SLC4A8: variants seen among roughly 807,000 people sequenced by gnomAD.
The protein encoded by SLC4A8 is electroneutral sodium bicarbonate exchanger 1.
In SLC4A8, 40 loss-of-function variants were observed where a neutral mutation model predicts 125.0. The ratio of observed to expected loss-of-function variants is 0.32; its 90% CI spans 0.25 to 0.42. SLC4A8 has a LOEUF of 0.42. Ranked by LOEUF, SLC4A8 falls within the 10% of genes least tolerant of loss-of-function variation. The pLI is 1.00. For missense variants in SLC4A8, 863 were observed against 1,355.1 expected (o/e 0.64, Z 5.70); for synonymous variants, 456 against 476.0 (o/e 0.96, Z 0.55).
At chr12:51,453,765 G>A in intron 5 of SLC4A8, 66 bp downstream of exon 5, 3 of 1,491,178 alleles carry the variant, frequency 2.0e-6, no homozygotes, top group Non-Finnish European at 2.8e-6. Context: ...GAAAAAAGGA[G>A]TGTGGCGTGA....
intron 20 of SLC4A8, among the ~76,000 whole-genome samples, chr12:51,494,014 T>C (rs1951390512): frequency 6.6e-6 from 1 of 152,242 alleles, no homozygotes; most frequent in Non-Finnish European, 1.5e-5. Flanking sequence ...TATTCATTAA[T>C]TATTCAACAG....
chr12:51,481,819 G>T (rs146938893), intron 16 of SLC4A8, among the ~76,000 whole-genome samples: 431 of 152,188 alleles, frequency 2.8e-3, no homozygotes, highest in Non-Finnish European at 3.4e-3. Flanking sequence ...AGGCGTGGTG[G>T]TGTGTGATAG....
At chr12:51,462,168 A>G in intron 9 of SLC4A8, 142 bp from the exon 10 acceptor site, 2 of 732,088 alleles carry the variant, frequency 2.7e-6, no homozygotes, top group Admixed American at 4.8e-5. Context: ...GCACTTCTCT[A>G]AGTGCTAAAG....
At chr12:51,410,160 T>C (rs1948567253) in intron 1 of SLC4A8, among the ~76,000 whole-genome samples, 1 of 152,184 alleles carries the variant, frequency 6.6e-6, no homozygotes, top group African/African-American at 2.4e-5. Context: ...GCAAGCACAG[T>C]GCATGGGAGT....
chr12:51,403,235 C>G, intron 1 of SLC4A8: 1 of 456,964 alleles, frequency 2.2e-6, no homozygotes, highest in South Asian at 1.5e-5. Context: ...GATACCTAAA[C>G]TTTACTGAGT....
rs117387378 is a variant in SLC4A8 at position 51,469,678 on chromosome 12, G to A, written c.1414G>A (p.Asp472Asn). Residue 472 changes from aspartate to asparagine, a missense_variant, in exon 12 of 25, where the codon GAT becomes AAT. Around this residue, in one of 6 missense-constraint regions of SLC4A8, gnomAD observed 390 missense variants for 634.4 expected, o/e 0.61. Coordinates refer to ENST00000453097, the MANE Select transcript of SLC4A8 (RefSeq NM_001039960.3). Reference sequence around the variant, plus strand: ...CCCCTGGTACTGGAGCGACTACCGAGATGCACTCAGCTTACAGTGTTTGGC... The same window carrying A: ...CCCCTGGTACTGGAGCGACTACCGAAATGCACTCAGCTTACAGTGTTTGGC... ...KAPWYWSDYR[D>N]ALSLQCLASF... is the part of the protein sequence containing the mutation. 2 of 1,614,064 alleles carry A rather than the reference G, an allele frequency of 1.2e-6. No homozygotes were observed. Among genetic ancestry groups the A allele is most frequent in the Non-Finnish European group, 1.7e-6 (2 of 1,180,012 alleles).
intron 1 of SLC4A8, among the ~76,000 whole-genome samples, chr12:51,400,609 G>T (rs920448355): frequency 6.6e-5 from 10 of 150,594 alleles, no homozygotes; most frequent in Non-Finnish European, 1.5e-4. Flanking sequence ...CACCTCAGGG[G>T]TCTGTGAATC....
chr12:51,403,285 A>C, intron 1 of SLC4A8: 1 of 454,910 alleles, frequency 2.2e-6, no homozygotes, highest in Non-Finnish European at 4.4e-6. Context: ...CAGTGGAGCC[A>C]ACATGTGAGT....
At chr12:51,496,829 G>A (rs1038727200) in intron 21 of SLC4A8, among the ~76,000 whole-genome samples, 158 bp from the exon 22 acceptor site, 2 of 152,204 alleles carry the variant, frequency 1.3e-5, no homozygotes, top group African/African-American at 4.8e-5. Context: ...ATGTTACCTG[G>A]CACAAAGAAA....
chr12:51,397,665 C>T (rs1948290244), intron 1 of SLC4A8, among the ~76,000 whole-genome samples: 1 of 152,224 alleles, frequency 6.6e-6, no homozygotes, highest in South Asian at 2.1e-4. Flanking sequence ...ATATAGTCTG[C>T]TCTTTTTCTA....
intron 11 of SLC4A8, among the ~76,000 whole-genome samples, chr12:51,466,754 T>A (rs955344716): frequency 3.9e-5 from 6 of 152,228 alleles, no homozygotes; most frequent in Admixed American, 2.0e-4. Flanking sequence ...TTTATAGTTA[T>A]ACCATCCATA....
chr12:51,480,719 A>G (rs1242342981), intron 16 of SLC4A8: 1 of 567,676 alleles, frequency 1.8e-6, no homozygotes, highest in Non-Finnish European at 2.2e-6. Context: ...AAATTTACAG[A>G]AAAGACTACT....
intron 8 of SLC4A8, among the ~76,000 whole-genome samples, chr12:51,460,719 C>A (rs143133785): frequency 6.6e-6 from 1 of 152,178 alleles, no homozygotes; most frequent in African/African-American, 2.4e-5. Context: ...GCTATTCATG[C>A]GCTCTGAAGG....
At chr12:51,433,976 G>A (rs1487484088) in intron 1 of SLC4A8, among the ~76,000 whole-genome samples, 1 of 151,116 alleles carries the variant, frequency 6.6e-6, no homozygotes, top group Non-Finnish European at 1.5e-5. Flanking sequence ...CTGGGCTCGA[G>A]CAATTCTTCC....
chr12:51,392,441 C>T (rs1007465704), intron 1 of SLC4A8, among the ~76,000 whole-genome samples: 3 of 151,256 alleles, frequency 2.0e-5, no homozygotes, highest in Non-Finnish European at 4.4e-5. Context: ...GGCGTAGTGG[C>T]GGGCGTCTGT....
chr12:51,492,213 C>T (rs975064821), intron 19 of SLC4A8, among the ~76,000 whole-genome samples: 4 of 152,138 alleles, frequency 2.6e-5, no homozygotes, highest in African/African-American at 4.8e-5. Flanking sequence ...GCTGTATTCC[C>T]AGGTGCCAGC....
chr12:51,474,264 T>C, intron 14 of SLC4A8, 78 bp from the exon 15 acceptor site: 2 of 953,798 alleles, frequency 2.1e-6, no homozygotes, highest in Non-Finnish European at 3.2e-6. Context: ...CTGACAGCCT[T>C]TAAACCAGTT....
intron 22 of SLC4A8, 83 bp downstream of exon 22, chr12:51,497,207 TG>T (rs746038200): frequency 7.5e-5 from 106 of 1,406,710 alleles, no homozygotes; most frequent in Non-Finnish European, 9.6e-5. Context: ...TCAGCATGTC[TG>T]GAATCCCGAG....
chr12:51,458,500 A>T, intron 6 of SLC4A8, 59 bp from the exon 7 acceptor site: 2 of 1,166,878 alleles, frequency 1.7e-6, no homozygotes, highest in Non-Finnish European at 2.6e-6. Context: ...GATGGGTGGG[A>T]TGTGTCAGAA....
Sources: allele counts gnomAD v4.1 joint callset (sites outside exome capture counted in the v4.1 genomes callset), GRCh38; gene constraint gnomAD v4.1.1; regional missense constraint gnomAD v4.1.1; transcripts MANE v1.5; gene names NCBI Gene and HGNC (gene_info 2026-07-23, HGNC 2026-07-21).